Variants in RET observed in about 807,000 individuals in gnomAD.
RET encodes the protein proto-oncogene tyrosine-protein kinase receptor Ret.
Under a neutral mutation model 118.3 loss-of-function variants are expected in RET, and 19 were observed. That is an observed-to-expected ratio of 0.16 (90% CI 0.11 to 0.24). RET has a LOEUF of 0.24. RET is among the 10% of genes least tolerant of loss of function. The probability of loss-of-function intolerance (pLI) is 1.00; values close to 1 mark genes in which losing one functional copy is unlikely to be tolerated. For synonymous variants in RET, 597 were observed against 644.1 expected, an observed-to-expected ratio of 0.93 and a Z score of 1.11; for missense variants, 1,219 against 1,502.1, an observed-to-expected ratio of 0.81 and a Z score of 3.12.
intron 1 of RET, among the ~76,000 whole-genome samples, chr10:43,083,919 A>G (rs1269025397): frequency 2.6e-5 from 4 of 152,210 alleles, no homozygotes; most frequent in Non-Finnish European, 5.9e-5. Flanking sequence ...AGGAAACCCC[A>G]TACCCATTAA....
chr10:43,127,431 G>A (rs1457061759), intron 19 of RET: 1 of 1,055,866 alleles, frequency 9.5e-7, no homozygotes, highest in African/African-American at 1.7e-5. Context: ...GTGGTGCTGT[G>A]GTCTTACAAT....
At chr10:43,096,943 C>T (rs544551983) in intron 1 of RET, among the ~76,000 whole-genome samples, 9 of 152,320 alleles carry the variant, frequency 5.9e-5, no homozygotes, top group African/African-American at 2.2e-4. Flanking sequence ...CAAGCGGGAA[C>T]CTTAAGACAG....
At chr10:43,080,633 C>G (rs1564482117) in intron 1 of RET, among the ~76,000 whole-genome samples, 1 of 152,226 alleles carries the variant, frequency 6.6e-6, no homozygotes, top group Non-Finnish European at 1.5e-5. Context: ...ACTGGTGAGT[C>G]CCCCCACCTC....
chr10:43,085,728 A>G (rs200048772), intron 1 of RET, among the ~76,000 whole-genome samples: 1 of 151,666 alleles, frequency 6.6e-6, no homozygotes, highest in African/African-American at 2.4e-5. Flanking sequence ...ACTTGGCACC[A>G]CTTCCCTGGG....
At chr10:43,084,283 G>A (rs1017943167) in intron 1 of RET, among the ~76,000 whole-genome samples, 1 of 152,178 alleles carries the variant, frequency 6.6e-6, no homozygotes, top group Admixed American at 6.5e-5. Context: ...TTGTGGAGCC[G>A]CCAAACTGTT....
intron 1 of RET, among the ~76,000 whole-genome samples, chr10:43,091,173 A>G (rs1837402603): frequency 6.6e-6 from 1 of 152,214 alleles, no homozygotes; most frequent in South Asian, 2.1e-4. Flanking sequence ...GCTACATCAA[A>G]ATGTAAAACT....
At position 43,113,288 on chromosome 10, in the gene RET, G is replaced by A. The variant is rs566858170; in HGVS notation, c.1760-268G>A. ...CCAGACGAGGGACACTGCAATGTGC[G>A]GGTCAGGCCACCAGGCTCCAGTTTT... On this transcript the variant is annotated intron_variant, in intron 9 of 19. Coordinates refer to ENST00000355710, the MANE Select transcript of RET (RefSeq NM_020975.6). Among the ~76,000 whole-genome samples, 79 of 152,306 alleles carry A rather than the reference G, an allele frequency of 5.2e-4. 3 individuals carry two copies. In the South Asian group the frequency reaches 0.014, roughly 27 times the overall value.
rs533682776 is a variant in RET at position 43,123,759 on chromosome 10, C to T, written c.2890C>T (p.Leu964=). 6.2e-7 allele frequency: 1 copy of T among 1,614,192 alleles called. No homozygotes were observed. The highest frequency in any genetic ancestry group is 1.3e-5 in the African/African-American group (1 of 75,054). The part of the protein sequence containing the change: ...GIPPERLFNL[L]KTGHRMERPD... ...TCCTCCTGAGCGGCTCTTCAACCTT[C>T]TGAAGACCGGCCACCGGATGGAGAG... is the stretch of plus-strand genomic sequence containing the variant. Residue 964 remains leucine (L), a synonymous_variant, in exon 17 of 20, where the codon CTG becomes TTG. Transcript: ENST00000355710.
Position 43,114,501 on chromosome 10 carries a change from G to A in RET, c.1901G>A (p.Cys634Tyr), listed in dbSNP as rs75996173. The A allele has an allele frequency of 1.2e-6, 2 of 1,607,760 alleles. No individual in the cohort carries two copies. The highest frequency in any genetic ancestry group is 8.5e-7 in the Non-Finnish European group (1 of 1,179,952). Residue 634 changes from cysteine (C) to tyrosine (Y), a missense_variant, in exon 11 of 20, where the codon TGC becomes TAC. Cys to Tyr is a radical substitution (Grantham distance 194). Coordinates refer to ENST00000355710, the MANE Select transcript of RET (RefSeq NM_020975.6). This position sits in a 1 kb window ranked among gnomAD's most constrained non-coding sequence, Gnocchi z 4.6. ...DIQDPLCDELCRTVIAAAVLF... is the reference protein window; with the variant it reads ...DIQDPLCDELYRTVIAAAVLF... ...ACAGATCCACTGTGCGACGAGCTGT[G>A]CCGCACGGTGATCGCAGCCGCTGTC...
chr10:43,083,259 G>T (rs998664948), intron 1 of RET, among the ~76,000 whole-genome samples: 1 of 152,208 alleles, frequency 6.6e-6, no homozygotes, highest in African/African-American at 2.4e-5. Flanking sequence ...ATGCCCCACA[G>T]CACCTTGAAA....
intron 1 of RET, among the ~76,000 whole-genome samples, chr10:43,081,652 G>C (rs1837185958): frequency 6.6e-6 from 1 of 152,156 alleles, no homozygotes; most frequent in African/African-American, 2.4e-5. Flanking sequence ...CATGGCCCCT[G>C]GGAGGCTGCC....
Position 43,085,197 on chromosome 10 carries a change from A to G in RET, c.73+7866A>G, listed in dbSNP as rs1213757977. 7.9e-5 allele frequency among the ~76,000 whole-genome samples: 12 copies of G among 152,030 alleles called. No individual in the cohort carries two copies. The South Asian group carries it at 8.3e-4, about 10-fold the overall frequency. On this transcript the variant is annotated intron_variant, in intron 1 of 19. Coordinates refer to ENST00000355710, the MANE Select transcript of RET (RefSeq NM_020975.6). The stretch of plus-strand genomic sequence containing the variant: ...GGAACACTGGCATCCATAGGCAGGC[A>G]CTCTGTGCTCCCAAGGAGGAGTTCC...
At chr10:43,115,128 C>T (rs1838041816) in intron 11 of RET, among the ~76,000 whole-genome samples, 2 of 152,188 alleles carry the variant, frequency 1.3e-5, no homozygotes, top group East Asian at 1.9e-4. Context: ...CAGGCCTCTG[C>T]CCTCTCCTGG....
At chr10:43,091,583 A>C (rs1474136363) in intron 1 of RET, among the ~76,000 whole-genome samples, 1 of 150,904 alleles carries the variant, frequency 6.6e-6, no homozygotes, top group Admixed American at 6.6e-5. Context: ...GTTAGCCGAG[A>C]TCGTGCCACT....
chr10:43,107,171 GT>G (rs1431947094), intron 5 of RET, among the ~76,000 whole-genome samples: 2 of 152,304 alleles, frequency 1.3e-5, no homozygotes, highest in East Asian at 3.9e-4. Context: ...TGCATTTGGG[GT>G]CTGTGTCTGG....
At chr10:43,107,585 A>G (rs1159992127) in intron 5 of RET, among the ~76,000 whole-genome samples, 2 of 151,496 alleles carry the variant, frequency 1.3e-5, no homozygotes, top group Non-Finnish European at 2.9e-5. Context: ...ACACACACAC[A>G]CACACACACA....
chr10:43,086,891 T>A (rs906214572), intron 1 of RET, among the ~76,000 whole-genome samples: 5 of 152,242 alleles, frequency 3.3e-5, no homozygotes, highest in Admixed American at 3.3e-4. Context: ...TGGGTCTGTG[T>A]GCAGAAGGTA....
intron 3 of RET, among the ~76,000 whole-genome samples, chr10:43,103,630 A>T (rs1837691462): frequency 6.6e-6 from 1 of 152,120 alleles, no homozygotes; most frequent in African/African-American, 2.4e-5. Context: ...AGAATATTAA[A>T]ATCTCAGTAA....
intron 1 of RET, among the ~76,000 whole-genome samples, chr10:43,099,097 C>T (rs2505532): frequency 0.38 from 58,196 of 152,076 alleles, 11,481 homozygotes; most frequent in South Asian, 0.51. Flanking sequence ...CATAGTGCAC[C>T]GTGCCCCTGC....
Sources: gnomAD v4.1 joint callset for allele counts (sites outside exome capture counted in the v4.1 genomes callset) on GRCh38, gnomAD v4.1.1 for gene constraint, Gnocchi (gnomAD v3.1) non-coding constraint, MANE v1.5 for transcripts, NCBI Gene and HGNC (gene_info 2026-07-23, HGNC 2026-07-21) for gene names.